The following GOLGA4 variants were observed in gnomAD, a reference collection of about 807,000 sequenced individuals.
GOLGA4 encodes golgin A4.
In GOLGA4, 169 loss-of-function variants were observed where a neutral mutation model predicts 265.9. The ratio of observed to expected loss-of-function variants is 0.64; its 90% confidence interval spans 0.56 to 0.72. The LOEUF (loss-of-function observed/expected upper bound fraction) is 0.72. Ranked by LOEUF, GOLGA4 falls within the 30% of genes least tolerant of loss-of-function variation. The probability of loss-of-function intolerance (pLI) is 0.00; values close to 1 mark genes in which losing one functional copy is unlikely to be tolerated. For synonymous variants in GOLGA4, 923 were observed against 855.8 expected (o/e 1.08, Z -1.37); for missense variants, 2,482 against 2,483.4 (o/e 1.00, Z 0.01).
intron 20 of GOLGA4, among the ~76,000 whole-genome samples, chr3:37,346,854 A>G (rs1559464022): frequency 6.6e-6 from 1 of 152,200 alleles, no homozygotes; most frequent in South Asian, 2.1e-4. Flanking sequence ...CATCAGACAT[A>G]TGTAAATGAC....
chr3:37,244,975 G>A (rs1050631752), intron 1 of GOLGA4, among the ~76,000 whole-genome samples: 4 of 152,088 alleles, frequency 2.6e-5, no homozygotes, highest in African/African-American at 9.7e-5. Flanking sequence ...CTTCCACTTG[G>A]GAATGTATAA....
intron 20 of GOLGA4, among the ~76,000 whole-genome samples, chr3:37,346,455 T>C (rs1052436249): frequency 6.6e-5 from 10 of 152,228 alleles, no homozygotes; most frequent in Admixed American, 6.5e-4. Context: ...TTTTTTTATC[T>C]AATATTATTT....
chr3:37,294,219 C>T (rs1486254281), intron 5 of GOLGA4, among the ~76,000 whole-genome samples: 1 of 152,114 alleles, frequency 6.6e-6, no homozygotes, highest in Non-Finnish European at 1.5e-5. Flanking sequence ...TTTCATTTTA[C>T]AGATGAGAAA....
chr3:37,268,880 C>T (rs1038852203), intron 2 of GOLGA4, among the ~76,000 whole-genome samples: 1 of 152,192 alleles, frequency 6.6e-6, no homozygotes, highest in South Asian at 2.1e-4. Context: ...TAGTCAGAAA[C>T]TTATTTCTCC....
chr3:37,295,225 T>C, intron 6 of GOLGA4, 148 bp downstream of exon 6: 1 of 523,354 alleles, frequency 1.9e-6, no homozygotes, highest in Non-Finnish European at 3.4e-6. Context: ...TTTTTATTTT[T>C]AATTTTTTTT....
chr3:37,268,769 G>A (rs556633669), intron 2 of GOLGA4, among the ~76,000 whole-genome samples: 172 of 152,112 alleles, frequency 1.1e-3, no homozygotes, highest in Non-Finnish European at 2.0e-3. Context: ...ATGGGGTTTC[G>A]CCATTTTGGC....
chr3:37,272,921 G>C (rs2150725586), intron 2 of GOLGA4, among the ~76,000 whole-genome samples: 1 of 152,264 alleles, frequency 6.6e-6, no homozygotes, highest in Admixed American at 6.5e-5. Context: ...ATCTATGCCA[G>C]TATGATGTAA....
chr3:37,277,215 G>A (rs1289073339), intron 2 of GOLGA4, among the ~76,000 whole-genome samples: 3 of 152,104 alleles, frequency 2.0e-5, no homozygotes, highest in Admixed American at 2.0e-4. Flanking sequence ...GTAATTTCTT[G>A]TACATGTATA....
intron 23 of GOLGA4, among the ~76,000 whole-genome samples, chr3:37,362,171 T>TA (rs1696325007): frequency 6.6e-6 from 1 of 151,938 alleles, no homozygotes; most frequent in Non-Finnish European, 1.5e-5. Context: ...AATGGCAAGA[T>TA]ACAACATTTC....
chr3:37,264,798 C>T lies in GOLGA4; in HGVS notation c.162+13314C>T, dbSNP rs75299697. Among the ~76,000 whole-genome samples the T allele has an allele frequency of 5.8e-4, 89 of 152,184 alleles. 1 individual carries two copies. The East Asian group carries it at 9.5e-3, about 16-fold the overall frequency. ...ATCACAGCTCACTGCTGGGCTTAGG[C>T]GAGCCTCCTACCTCAGCCTCCCAGG... is the stretch of plus-strand genomic sequence containing the variant. On this transcript the variant is annotated intron_variant, in intron 2 of 23. Transcript: ENST00000361924.
Position 37,347,250 on chromosome 3 carries a change from A to G in GOLGA4, c.6530A>G (p.Tyr2177Cys). The change falls in exon 21 of 24, where the codon TAT becomes TGT. Residue 2177 changes from tyrosine (Y) to cysteine (C), a missense_variant. Around this residue, in one of 3 missense-constraint regions of GOLGA4, gnomAD observed 942 missense variants for 983.1 expected, o/e 0.96. Transcript: ENST00000361924. ...TTTGGAGAACCTACCGAATTTGAGT[A>G]TTTGCGAAAAGTGCTTTTTGAGTAT... The part of the protein sequence containing the change: ...SLFGEPTEFE[Y>C]LRKVLFEYMM... The G allele has an allele frequency of 6.2e-7, 1 of 1,612,960 alleles. No individual in the cohort carries two copies. The highest frequency in any genetic ancestry group is 2.2e-5 in the East Asian group (1 of 44,808).
chr3:37,321,441 C>A, intron 12 of GOLGA4: 4 of 250,216 alleles, frequency 1.6e-5, no homozygotes, highest in Non-Finnish European at 3.0e-5. Context: ...ATTGTATGAC[C>A]TTTCACATTC....
chr3:37,269,442 A>G (rs991925012), intron 2 of GOLGA4, among the ~76,000 whole-genome samples: 5 of 152,222 alleles, frequency 3.3e-5, no homozygotes, highest in African/African-American at 1.2e-4. Context: ...GAAGGGAGAA[A>G]AAAAGAGAAG....
At chr3:37,329,285 T>TTAA (rs1258068727) in intron 16 of GOLGA4, 192 bp downstream of exon 16, 1 of 436,560 alleles carries the variant, frequency 2.3e-6, no homozygotes, top group Non-Finnish European at 4.0e-6. Flanking sequence ...GGATTGTAGT[T>TTAA]TCCTGATGAG....
chr3:37,243,274 T>A lies in GOLGA4; in HGVS notation c.-277T>A. 3.8e-6 allele frequency: 2 copies of A among 519,910 alleles called. No homozygotes were observed. Among genetic ancestry groups the A allele is most frequent in the Middle Eastern group, 5.2e-4 (1 of 1,918 alleles). 32.2% of individuals were successfully genotyped at this position (519,910 alleles called of 1,614,324 possible). A position where few individuals can be genotyped will look rare whatever the true frequency, so the allele number is the denominator to read the frequency against. On this transcript the variant is annotated 5_prime_UTR_variant, in exon 1 of 24. Coordinates refer to ENST00000361924, the MANE Select transcript of GOLGA4 (RefSeq NM_002078.5). ...CGCGCAAGCGCCCTTGGCGCACAGT[T>A]CACCTGCTGCCGTTGTCGTCGCCGC...
Position 37,325,849 on chromosome 3 carries a change from A to T in GOLGA4, c.3963A>T (p.Glu1321Asp). Residue 1321 changes from glutamate (E) to aspartate (D), a missense_variant, in exon 14 of 24, where the codon GAA becomes GAT. Physicochemically the swap from Glu to Asp is conservative, Grantham distance 45. This residue lies in a region of GOLGA4 where 1,536 missense variants were observed against 1,483.7 expected (regional missense o/e 1.04). Transcript: ENST00000361924. ...TTGAAAGTCTTGTAACAGAAAAAGA[A>T]GCCTTACAGAAGGAAGGAGGCAATC... ...ADIESLVTEK[E>D]ALQKEGGNQQ... The T allele has an allele frequency of 1.9e-6, 3 of 1,613,552 alleles. No homozygotes were observed. Among genetic ancestry groups the T allele is most frequent in the Non-Finnish European group, 2.5e-6 (3 of 1,179,602 alleles).
chr3:37,359,670 T>C (rs1419370258), intron 22 of GOLGA4, among the ~76,000 whole-genome samples: 1 of 152,198 alleles, frequency 6.6e-6, no homozygotes, highest in Non-Finnish European at 1.5e-5. Flanking sequence ...GTCCTTGCCC[T>C]GGACCAGTCT....
At chr3:37,305,210 C>T (rs1211313338) in intron 10 of GOLGA4, among the ~76,000 whole-genome samples, 2 of 152,220 alleles carry the variant, frequency 1.3e-5, no homozygotes, top group Admixed American at 1.3e-4. Context: ...TGAGCCACTG[C>T]GCCCTGCCAG....
chr3:37,333,329 A>G (rs1466012679), intron 16 of GOLGA4, among the ~76,000 whole-genome samples: 1 of 152,248 alleles, frequency 6.6e-6, no homozygotes, highest in African/African-American at 2.4e-5. Context: ...GTATATACAT[A>G]AAGATTCAAC....
Sources: gnomAD v4.1 joint callset for allele counts (sites outside exome capture counted in the v4.1 genomes callset) on GRCh38, gnomAD v4.1.1 for gene constraint, gnomAD v4.1.1 regional missense constraint, MANE v1.5 for transcripts, NCBI Gene and HGNC (gene_info 2026-07-23, HGNC 2026-07-21) for gene names.